The following ARHGEF1 variants were observed in gnomAD, a reference collection of about 807,000 sequenced individuals.
The protein encoded by ARHGEF1 is Rho guanine nucleotide exchange factor 1, also known as 115 kDa guanine nucleotide exchange factor.
ARHGEF1 carries 40 observed loss-of-function variants against 119.7 expected under a neutral mutation model. The ratio of observed to expected loss-of-function variants is 0.33; its 90% CI spans 0.26 to 0.44. The LOEUF is 0.44. ARHGEF1 is among the 20% of genes least tolerant of loss of function. The probability of loss-of-function intolerance (pLI) is 1.00; values close to 1 mark genes in which losing one functional copy is unlikely to be tolerated. For synonymous variants in ARHGEF1, 494 were observed against 521.0 expected (o/e 0.95, Z 0.71); for missense variants, 976 against 1,268.3 (o/e 0.77, Z 3.50).
At chr19:41,910,512 C>CA (rs2074745842), downstream of ARHGEF1, among the ~76,000 whole-genome samples, 1 of 152,146 alleles carries the variant, frequency 6.6e-6, no homozygotes. The surrounding 1 kb of genome is among the most constrained non-coding windows in gnomAD (Gnocchi z 4.4). Context: ...GCGGTGCCCT[C>CA]AGCTCTTACT....
Position 41,905,463 on chromosome 19 carries a change from CAT to C in ARHGEF1, c.2336+203_2336+204del, listed in dbSNP as rs1307564563. Reference sequence around the variant, plus strand: ...GTGTATGCATGCATGTGTGCGTGTGCATGTGTGTGCGTGTATGGTGTGTGTGT... The same window carrying C: ...GTGTATGCATGCATGTGTGCGTGTGCGTGTGTGCGTGTATGGTGTGTGTGT... On this transcript the variant is annotated intron_variant, in intron 24 of 28. Coordinates refer to ENST00000354532, the MANE Select transcript of ARHGEF1 (RefSeq NM_004706.4). This position sits in a 1 kb window ranked among gnomAD's most constrained non-coding sequence, Gnocchi z 6.4. The C allele has an allele frequency of 3.7e-5, 23 of 617,090 alleles. No homozygotes were observed. Among genetic ancestry groups the C allele is most frequent in the African/African-American group, 3.7e-4 (20 of 53,822 alleles). 38.2% of individuals were successfully genotyped at this position (617,090 alleles called of 1,614,324 possible).
In ARHGEF1 at chr19:41,903,688, G is replaced by A. The variant is rs1290542218; in HGVS notation, c.1840-19G>A. ...CCAGCACTTAGCTTGTCCCCATAAT[G>A]CTCCCGTCTCTGCCCCAGAGGCTCA... On this transcript the variant is annotated intron_variant, in intron 19 of 28. Coordinates refer to ENST00000354532, the MANE Select transcript of ARHGEF1 (RefSeq NM_004706.4). This position sits in a 1 kb window ranked among gnomAD's most constrained non-coding sequence, Gnocchi z 4.2. The A allele has an allele frequency of 9.3e-6, 15 of 1,610,980 alleles. No homozygotes were observed. The highest frequency in any genetic ancestry group is 1.3e-5 in the Non-Finnish European group (15 of 1,179,818).
chr19:41,888,308 G>A lies in ARHGEF1; in HGVS notation c.111+30G>A. 6.2e-7 allele frequency: 1 copy of A among 1,609,394 alleles called. No individual in the cohort carries two copies. Among genetic ancestry groups the A allele is most frequent in the South Asian group, 1.1e-5 (1 of 91,000 alleles). On this transcript the variant is annotated intron_variant, in intron 3 of 28. Coordinates refer to ENST00000354532, the MANE Select transcript of ARHGEF1 (RefSeq NM_004706.4). The surrounding 1 kb of genome is among the most constrained non-coding windows in gnomAD (Gnocchi z 5.1). The stretch of plus-strand genomic sequence containing the variant: ...GTGGGAGATAGGGTGGAAAAGCTCT[G>A]TCCCAGGCTCAGTGTCCCGCCCCAG...
intron 1 of ARHGEF1, among the ~76,000 whole-genome samples, chr19:41,925,614 G>A (rs746360841): frequency 1.4e-4 from 21 of 152,110 alleles, no homozygotes; most frequent in Non-Finnish European, 2.5e-4. Flanking sequence ...ACTAGTGTGT[G>A]GATTGGTGAT....
rs202019305 is a variant in ARHGEF1, at chr19:41,903,299, G to C, written c.1739-8G>C. The C allele has an allele frequency of 6.2e-7, 1 of 1,613,488 alleles. No individual in the cohort carries two copies. The highest frequency in any genetic ancestry group is 1.7e-5 in the Admixed American group (1 of 59,988). The stretch of plus-strand genomic sequence containing the variant: ...GTTCACCAGAGCTGCTCTCTCCCTT[G>C]CCTGCAGAAGAGCCCACAGAACGGG... On this transcript the variant is annotated splice_region_variant and splice_polypyrimidine_tract_variant and intron_variant, in intron 18 of 28. Transcript: ENST00000354532. This position sits in a 1 kb window ranked among gnomAD's most constrained non-coding sequence, Gnocchi z 4.2.
chr19:41,901,786 C>T, intron 14 of ARHGEF1, 101 bp from the exon 15 acceptor site: 1 of 1,420,842 alleles, frequency 7.0e-7, no homozygotes, highest in South Asian at 1.4e-5. Flanking sequence ...TTCTAGGAAG[C>T]TTTCCTCCCT....
At chr19:41,907,468 T>C, downstream of ARHGEF1, 1 of 1,458,162 alleles carries the variant, frequency 6.9e-7, no homozygotes, top group East Asian at 2.5e-5. Flanking sequence ...GTGTGTGTGA[T>C]GGCGGGGTGG....
rs2074445752 is a variant in ARHGEF1 at position 41,894,563 on chromosome 19, C to T, written c.841+16C>T. The stretch of plus-strand genomic sequence containing the variant: ...GAGCCCCAGGGTAAGGCGGCTCTGG[C>T]CTCTGCCCTCCCCTGTCTTCCCCAG... On this transcript the variant is annotated intron_variant, in intron 10 of 28. Coordinates refer to ENST00000354532, the MANE Select transcript of ARHGEF1 (RefSeq NM_004706.4). 6.2e-7 allele frequency: 1 copy of T among 1,613,810 alleles called. No homozygotes were observed. Among genetic ancestry groups the T allele is most frequent in the Non-Finnish European group, 8.5e-7 (1 of 1,179,784 alleles).
intron 11 of ARHGEF1, 21 bp from the exon 12 acceptor site, chr19:41,895,328 T>C: frequency 6.3e-7 from 1 of 1,591,746 alleles, no homozygotes; most frequent in South Asian, 1.1e-5. Flanking sequence ...TCTCCCTCTT[T>C]CTCCCTCACT....
At position 41,888,967 on chromosome 19, in the gene ARHGEF1, GCAGATCTAGAACACAGAGAGC is replaced by G. The variant is rs1316098482; in HGVS notation, c.225+114_225+134del. ...GCTAGTGCCTGGAGGGTCTGGAAAA[GCAGATCTAGAACACAGAGAGC>G]CAGATCTAGAAAGAGAGAATGCTTT... On this transcript the variant is annotated intron_variant, in intron 4 of 28. Coordinates refer to ENST00000354532, the MANE Select transcript of ARHGEF1 (RefSeq NM_004706.4). This position sits in a 1 kb window ranked among gnomAD's most constrained non-coding sequence, Gnocchi z 5.1. The G allele has an allele frequency of 1.0e-6, 1 of 976,976 alleles. No individual in the cohort carries two copies. Among genetic ancestry groups the G allele is most frequent in the African/African-American group, 1.6e-5 (1 of 60,870 alleles). 60.5% of individuals were successfully genotyped at this position (976,976 alleles called of 1,614,324 possible). A position where few individuals can be genotyped will look rare whatever the true frequency, so the allele number is the denominator to read the frequency against.
chr19:41,918,498 T>TCA (rs782457979), upstream of ARHGEF1, among the ~76,000 whole-genome samples: 2 of 101,920 alleles, frequency 2.0e-5, no homozygotes, highest in Non-Finnish European at 4.1e-5. Context: ...CACACACACA[T>TCA]CACACACACA....
chr19:41,893,103 G>A (rs2074404273), intron 7 of ARHGEF1, 171 bp from the exon 8 acceptor site: 2 of 1,041,400 alleles, frequency 1.9e-6, no homozygotes, highest in Non-Finnish European at 2.7e-6. Flanking sequence ...CCTCCTGGAT[G>A]AGAGACCTCC....
At position 41,903,729 on chromosome 19, in the gene ARHGEF1, G is replaced by A. The variant is rs918172229; in HGVS notation, c.1862G>A (p.Arg621His). The A allele has an allele frequency of 4.3e-6, 7 of 1,613,008 alleles. No individual in the cohort carries two copies. The highest frequency in any genetic ancestry group is 2.2e-5 in the South Asian group (2 of 91,080). The change falls in exon 20 of 29, where the codon CGC becomes CAC. Residue 621 changes from arginine to histidine, a missense_variant. By Grantham distance (29) the Arg-to-His change is conservative. Coordinates refer to ENST00000354532, the MANE Select transcript of ARHGEF1 (RefSeq NM_004706.4). This position sits in a 1 kb window ranked among gnomAD's most constrained non-coding sequence, Gnocchi z 4.2. ...DLLRLKDYQRRLDLSHLRQSS... is the reference protein window; with the variant it reads ...DLLRLKDYQRHLDLSHLRQSS... ...CAGAGGCTCAAGGACTATCAGCGGC[G>A]CCTGGACTTGTCCCACCTTCGGCAG...
At chr19:41,923,931 G>A (rs1183324125) in intron 1 of ARHGEF1, among the ~76,000 whole-genome samples, 1 of 70,500 alleles carries the variant, frequency 1.4e-5, no homozygotes. Context: ...TGTGTGGGGA[G>A]GTAGGGGTAT....
chr19:41,916,143 A>G lies in ARHGEF1; in HGVS notation c.1866-6949A>G, dbSNP rs1555851939. ...CTCCTCCCTTCTCTCCCTGCCAAGC[A>G]CAACCACACAGACCCACACACCAAC... On this transcript the variant is annotated intron_variant, in intron 18 of 20. Coordinates refer to the ARHGEF1 transcript ENST00000599589. The surrounding 1 kb of genome is among the most constrained non-coding windows in gnomAD (Gnocchi z 5.4). 6.6e-6 allele frequency among the ~76,000 whole-genome samples: 1 copy of G among 151,518 alleles called. No individual in the cohort carries two copies. The highest frequency in any genetic ancestry group is 2.4e-5 in the African/African-American group (1 of 41,120).
Position 41,905,814 on chromosome 19 carries a change from G to A in ARHGEF1, c.2391G>A (p.Thr797=), listed in dbSNP as rs149372116. ...AGAACGGCAATGGTGGCCGAGAGAC[G>A]TCTCCAGCTGATGGTGAGACCAGAG... is the stretch of plus-strand genomic sequence containing the variant. ...SSENGNGGRE[T]SPADARTERI... is the part of the protein sequence containing the mutation. The change falls in exon 25 of 29, where the codon ACG becomes ACA. Residue 797 remains threonine, a synonymous_variant. Coordinates refer to ENST00000354532, the MANE Select transcript of ARHGEF1 (RefSeq NM_004706.4). This position sits in a 1 kb window ranked among gnomAD's most constrained non-coding sequence, Gnocchi z 6.4. 7.8e-4 allele frequency: 1,259 copies of A among 1,614,164 alleles called. 1 individual carries two copies. Among genetic ancestry groups the A allele is most frequent in the Non-Finnish European group, 8.0e-4 (943 of 1,180,018 alleles).
In ARHGEF1 at chr19:41,906,485, G is replaced by T. The variant is rs782619422; in HGVS notation, c.2520G>T (p.Pro840=). 5.1e-6 allele frequency: 8 copies of T among 1,576,998 alleles called. No individual in the cohort carries two copies. Among genetic ancestry groups the T allele is most frequent in the East Asian group, 2.3e-5 (1 of 44,006 alleles). The change falls in exon 27 of 29, where the codon CCG becomes CCT. Residue 840 remains proline (P), a synonymous_variant. Coordinates refer to ENST00000354532, the MANE Select transcript of ARHGEF1 (RefSeq NM_004706.4). This position sits in a 1 kb window ranked among gnomAD's most constrained non-coding sequence, Gnocchi z 4.5. ...TGTCCCTGAAGCAGCTTCTGTTTCCGGCGGAGGAAGACAATGGGGCGGGGC... is the reference window on the plus strand; with the variant it reads ...TGTCCCTGAAGCAGCTTCTGTTTCCTGCGGAGGAAGACAATGGGGCGGGGC... ...KVLSLKQLLF[P]AEEDNGAGPP...
intron 4 of ARHGEF1, among the ~76,000 whole-genome samples, 173 bp from the exon 5 acceptor site, chr19:41,891,852 G>A (rs1213279679): frequency 1.3e-5 from 2 of 152,178 alleles, no homozygotes; most frequent in Non-Finnish European, 2.9e-5. Context: ...GCCTGCAGGG[G>A]AACCCAGGGC....
Position 41,892,718 on chromosome 19 carries a change from G to T in ARHGEF1, c.483G>T (p.Arg161=). 2 of 1,613,108 alleles carry T rather than the reference G, an allele frequency of 1.2e-6. No individual in the cohort carries two copies. The highest frequency in any genetic ancestry group is 2.2e-5 in the South Asian group (2 of 90,982). ...GRQLEDFRSK[R]LMGMTPWEQE... is the part of the protein sequence containing the mutation. ...AGCTGGAGGACTTCCGTTCCAAGCG[G>T]CTCATGGGCATGACGCCCTGGGAGC... The change falls in exon 7 of 29, where the codon CGG becomes CGT. Residue 161 remains arginine (R), a synonymous_variant. Transcript: ENST00000354532. This position sits in a 1 kb window ranked among gnomAD's most constrained non-coding sequence, Gnocchi z 6.3.
Sources: gnomAD v4.1 joint callset for allele counts (sites outside exome capture counted in the v4.1 genomes callset) on GRCh38, gnomAD v4.1.1 for gene constraint, Gnocchi (gnomAD v3.1) non-coding constraint, MANE v1.5 for transcripts, NCBI Gene and HGNC (gene_info 2026-07-23, HGNC 2026-07-21) for gene names.